The following DNAH14 variants were observed in gnomAD, a reference collection of about 807,000 sequenced individuals.
The protein encoded by DNAH14 is dynein axonemal heavy chain 14.
A neutral mutation model predicts 520.9 loss-of-function variants in DNAH14; 478 were observed. That is an observed-to-expected ratio of 0.92 (90% CI 0.85 to 0.99). The LOEUF (loss-of-function observed/expected upper bound fraction) is 0.99, where lower values mean the gene tolerates loss of function less well. Among genes scored for constraint, DNAH14 ranks in the 50% least tolerant of loss-of-function variants. The probability of loss-of-function intolerance (pLI) is 0.00; values close to 1 mark genes in which losing one functional copy is unlikely to be tolerated. For synonymous variants in DNAH14, 1,581 were observed against 1,757.2 expected (o/e 0.90, Z 2.51); for missense variants, 4,831 against 5,234.5 (o/e 0.92, Z 2.38).
chr1:225,057,323 G>T (rs572278032), intron 17 of DNAH14, among the ~76,000 whole-genome samples: 1 of 152,078 alleles, frequency 6.6e-6, no homozygotes, highest in Admixed American at 6.6e-5. Flanking sequence ...TCATGATTTG[G>T]CTCTCTGTCT....
At chr1:225,324,622 C>A in intron 63 of DNAH14, 115 bp from the exon 64 acceptor site, 1 of 1,047,636 alleles carries the variant, frequency 9.5e-7, no homozygotes, top group Non-Finnish European at 1.4e-6. Flanking sequence ...ACATATAGTT[C>A]TAGGAAAGTT....
chr1:224,965,612 CA>C (rs968443440), intron 5 of DNAH14, among the ~76,000 whole-genome samples: 1 of 152,038 alleles, frequency 6.6e-6, no homozygotes, highest in Non-Finnish European at 1.5e-5. Context: ...GAAGATAAAT[CA>C]TCTTTTAATC....
At chr1:225,152,975 G>C (rs1284509664) in intron 33 of DNAH14, 92 bp downstream of exon 33, 45 of 1,264,258 alleles carry the variant, frequency 3.6e-5, no homozygotes, top group Non-Finnish European at 3.9e-5. Flanking sequence ...GGATGACCTG[G>C]GACTGTACCA....
In DNAH14 at chr1:225,346,287, T is replaced by C; in HGVS notation, c.11004T>C (p.Ser3668=). 6.5e-7 allele frequency: 1 copy of C among 1,549,126 alleles called. No individual in the cohort carries two copies. The highest frequency in any genetic ancestry group is 8.7e-7 in the Non-Finnish European group (1 of 1,146,362). ...CAAAAGAAGTTCATGAGTTTATAAGTATTTCAAAAGAACCCAACCTGGAAA... is the reference window on the plus strand; with the variant it reads ...CAAAAGAAGTTCATGAGTTTATAAGCATTTCAAAAGAACCCAACCTGGAAA... ...VSPKEVHEFI[S]ISKEPNLENE... is the part of the protein sequence containing the mutation. The change falls in exon 70 of 86, where the codon AGT becomes AGC. Residue 3668 remains serine, a synonymous_variant. Transcript: ENST00000682510.
chr1:225,089,668 G>T (rs1166266173), intron 21 of DNAH14, among the ~76,000 whole-genome samples: 1 of 151,800 alleles, frequency 6.6e-6, no homozygotes, highest in African/African-American at 2.4e-5. Flanking sequence ...ATGCAAGGTT[G>T]GTTTAACATT....
intron 34 of DNAH14, among the ~76,000 whole-genome samples, chr1:225,158,350 G>T (rs1346090429): frequency 6.6e-6 from 1 of 152,122 alleles, no homozygotes; most frequent in Non-Finnish European, 1.5e-5. Context: ...ATGGGGCAGG[G>T]TGTGATTGCT....
In DNAH14 at chr1:225,205,988, A is replaced by T; in HGVS notation, c.5995A>T (p.Ile1999Phe). ...CTCTCCAGATTTTGATTGGCAGTGGATTATCCTAGATGGCCCAGTGGACAC... is the reference window on the plus strand; with the variant it reads ...CTCTCCAGATTTTGATTGGCAGTGGTTTATCCTAGATGGCCCAGTGGACAC... ...PENHNFDWQW[I>F]ILDGPVDTFW... Residue 1999 changes from isoleucine (I) to phenylalanine (F), a missense_variant, in exon 40 of 86, where the codon ATT becomes TTT. Transcript: ENST00000682510. 1 of 1,551,140 alleles carries T rather than the reference A, an allele frequency of 6.4e-7. No individual in the cohort carries two copies. Among genetic ancestry groups the T allele is most frequent in the Non-Finnish European group, 8.7e-7 (1 of 1,146,630 alleles).
At chr1:225,247,329 C>T (rs889074328) in intron 43 of DNAH14, among the ~76,000 whole-genome samples, 5 of 152,024 alleles carry the variant, frequency 3.3e-5, no homozygotes, top group African/African-American at 1.2e-4. Flanking sequence ...ACCACCATGG[C>T]TCATGTATAC....
intron 81 of DNAH14, among the ~76,000 whole-genome samples, chr1:225,384,351 A>G (rs2095815478): frequency 6.6e-6 from 1 of 152,150 alleles, no homozygotes; most frequent in Admixed American, 6.6e-5. Flanking sequence ...AAAGTCTCCC[A>G]TTATTATTGT....
intron 52 of DNAH14, among the ~76,000 whole-genome samples, chr1:225,275,006 G>A (rs1373092765): frequency 6.6e-6 from 1 of 152,116 alleles, no homozygotes; most frequent in Non-Finnish European, 1.5e-5. Flanking sequence ...TATGATATAG[G>A]TCCTGTTATT....
At chr1:225,124,027 A>G (rs1388575714) in intron 27 of DNAH14, among the ~76,000 whole-genome samples, 1 of 152,184 alleles carries the variant, frequency 6.6e-6, no homozygotes, top group Non-Finnish European at 1.5e-5. Context: ...TGCTAGGATT[A>G]CAGGAGTGAG....
chr1:225,336,007 ATACGCATATATG>A (rs1268719643), intron 66 of DNAH14, among the ~76,000 whole-genome samples: 5 of 82,826 alleles, frequency 6.0e-5, no homozygotes, highest in African/African-American at 2.1e-4. Context: ...GCATATATGT[ATACGCATATATG>A]CATATATGTA....
intron 43 of DNAH14, 109 bp downstream of exon 43, chr1:225,240,931 G>A: frequency 1.2e-6 from 1 of 858,402 alleles, no homozygotes; most frequent in African/African-American, 1.7e-5. Context: ...AAGATTGAAG[G>A]AAAAAGAAGG....
intron 17 of DNAH14, among the ~76,000 whole-genome samples, chr1:225,063,122 T>G (rs908551292): frequency 6.2e-5 from 3 of 48,406 alleles, no homozygotes; most frequent in Non-Finnish European, 5.6e-4. Flanking sequence ...AAATGAAAGA[T>G]ATTTAAAAAA....
intron 35 of DNAH14, among the ~76,000 whole-genome samples, chr1:225,162,306 G>C (rs1277775794): frequency 6.6e-6 from 1 of 152,148 alleles, no homozygotes; most frequent in East Asian, 1.9e-4. Flanking sequence ...ACAGGTGTGT[G>C]TATTTGTTTC....
chr1:225,201,133 C>G (rs899725334), intron 38 of DNAH14, among the ~76,000 whole-genome samples: 1 of 151,790 alleles, frequency 6.6e-6, no homozygotes, highest in Non-Finnish European at 1.5e-5. Flanking sequence ...GAAGTTCTCC[C>G]TTCTGCTTGT....
At chr1:225,219,271 G>C (rs550475699) in intron 41 of DNAH14, among the ~76,000 whole-genome samples, 26 of 151,866 alleles carry the variant, frequency 1.7e-4, no homozygotes, top group African/African-American at 6.0e-4. Context: ...AGAAGCAAGA[G>C]CAAACAAATT....
At chr1:225,185,574 T>C in intron 37 of DNAH14, 149 bp downstream of exon 37, 1 of 805,360 alleles carries the variant, frequency 1.2e-6, no homozygotes. Context: ...ATGAGTGGGA[T>C]TTTTAACTTA....
At chr1:225,285,445 T>A (rs576345594) in intron 54 of DNAH14, among the ~76,000 whole-genome samples, 1 of 151,944 alleles carries the variant, frequency 6.6e-6, no homozygotes, top group Admixed American at 6.6e-5. Context: ...CTACTCAGGG[T>A]GACGCAGGAG....
Sources: gnomAD v4.1 joint callset for allele counts (sites outside exome capture counted in the v4.1 genomes callset) on GRCh38, gnomAD v4.1.1 for gene constraint, MANE v1.5 for transcripts, NCBI Gene and HGNC (gene_info 2026-07-23, HGNC 2026-07-21) for gene names.